DLGAP2: variants seen among roughly 807,000 people sequenced by gnomAD.
The protein encoded by DLGAP2 is DLG associated protein 2.
A neutral mutation model predicts 100.3 loss-of-function variants in DLGAP2; 26 were observed. That is an observed-to-expected ratio of 0.26 (90% CI 0.19 to 0.36). DLGAP2 has a LOEUF of 0.36. Ranked by LOEUF, DLGAP2 falls within the 10% of genes least tolerant of loss-of-function variation. The probability of loss-of-function intolerance (pLI) is 1.00; values close to 1 mark genes in which losing one functional copy is unlikely to be tolerated. For synonymous variants in DLGAP2, 886 were observed against 630.1 expected (o/e 1.41, Z -6.08); for missense variants, 1,858 against 1,453.2 (o/e 1.28, Z -4.53).
chr8:1,289,419 A>T (rs542386026), intron 3 of DLGAP2, among the ~76,000 whole-genome samples: 2 of 152,320 alleles, frequency 1.3e-5, no homozygotes, highest in Admixed American at 6.5e-5. Flanking sequence ...TGGTTGCTAC[A>T]CACATGCCCT....
At chr8:819,896 T>A (rs1352662217) in intron 1 of DLGAP2, among the ~76,000 whole-genome samples, 1 of 152,180 alleles carries the variant, frequency 6.6e-6, no homozygotes, top group Non-Finnish European at 1.5e-5. Context: ...AACCCTTTCC[T>A]GTTTGGATTG....
chr8:1,076,078 A>AT, intron 2 of DLGAP2, among the ~76,000 whole-genome samples: 1 of 152,048 alleles, frequency 6.6e-6, no homozygotes. Flanking sequence ...AGGTAGGAGG[A>AT]TTTTTTCACA....
intron 3 of DLGAP2, among the ~76,000 whole-genome samples, chr8:1,263,879 A>C (rs571799740): frequency 1.3e-5 from 2 of 152,118 alleles, no homozygotes; most frequent in Non-Finnish European, 2.9e-5. Flanking sequence ...TCTGATTGCT[A>C]TTTGTGGTTT....
chr8:1,163,549 G>C lies in DLGAP2; in HGVS notation c.74-95302G>C, dbSNP rs184533363. ...TAGGATTTGGGATTCATTAGCGAGTGTGAGCAAGGTGCTTTTGGGGCAGAG... is the reference window on the plus strand; with the variant it reads ...TAGGATTTGGGATTCATTAGCGAGTCTGAGCAAGGTGCTTTTGGGGCAGAG... On this transcript the variant is annotated intron_variant, in intron 2 of 14. Transcript: ENST00000637795. Among the ~76,000 whole-genome samples the C allele has an allele frequency of 1.1e-4, 16 of 152,364 alleles. 1 individual carries two copies. The highest frequency in any genetic ancestry group is 3.6e-4 in the African/African-American group (15 of 41,602).
intron 4 of DLGAP2, among the ~76,000 whole-genome samples, chr8:1,546,793 G>C (rs984660467): frequency 1.3e-5 from 2 of 152,152 alleles, no homozygotes; most frequent in African/African-American, 4.8e-5. Context: ...TAGGGTGGTG[G>C]CGAGAGAGGA....
intron 1 of DLGAP2, among the ~76,000 whole-genome samples, chr8:784,913 A>T (rs575125849): frequency 6.6e-6 from 1 of 152,308 alleles, no homozygotes; most frequent in Non-Finnish European, 1.5e-5. Context: ...CCACTAAAAA[A>T]AGGGCACGTC....
chr8:1,251,854 G>A (rs527774671), intron 2 of DLGAP2, among the ~76,000 whole-genome samples: 9 of 152,308 alleles, frequency 5.9e-5, no homozygotes, highest in East Asian at 1.9e-4. Context: ...GCATATTCTC[G>A]CATCATGTTG....
chr8:1,499,876 T>C (rs1214281037), intron 3 of DLGAP2, among the ~76,000 whole-genome samples: 1 of 152,000 alleles, frequency 6.6e-6, no homozygotes, highest in Admixed American at 6.6e-5. Context: ...CAGATGCCGA[T>C]TTGTTGAATC....
chr8:1,033,402 C>CA (rs1045040023), intron 2 of DLGAP2, among the ~76,000 whole-genome samples: 1 of 152,130 alleles, frequency 6.6e-6, no homozygotes, highest in African/African-American at 2.4e-5. Context: ...GGTGGTGGCT[C>CA]ACACCTGTAA....
chr8:1,681,861 C>T (rs1055098128), intron 12 of DLGAP2, among the ~76,000 whole-genome samples: 13 of 150,028 alleles, frequency 8.7e-5, no homozygotes, highest in East Asian at 3.9e-4. Flanking sequence ...CTGGGAGTCA[C>T]GGCCCTCTGA....
intron 8 of DLGAP2, among the ~76,000 whole-genome samples, chr8:1,649,914 C>T (rs556476348): frequency 1.5e-4 from 23 of 152,138 alleles, no homozygotes; most frequent in African/African-American, 4.8e-4. Context: ...CAAATGTTAC[C>T]ATGAGTACAA....
At chr8:1,700,123 C>G (rs11136420) in intron 14 of DLGAP2, among the ~76,000 whole-genome samples, 22,820 of 152,232 alleles carry the variant, frequency 0.15, 2,038 homozygotes, top group Admixed American at 0.22. Context: ...GACACCAAAG[C>G]AGGCTTCTTG....
intron 2 of DLGAP2, among the ~76,000 whole-genome samples, chr8:972,757 G>A (rs531228281): frequency 1.8e-4 from 28 of 152,308 alleles, no homozygotes; most frequent in African/African-American, 6.5e-4. Flanking sequence ...CTAGGCAGAG[G>A]ACCCTGCGGC....
intron 4 of DLGAP2, among the ~76,000 whole-genome samples, chr8:1,540,979 C>G (rs968680984): frequency 1.3e-5 from 2 of 152,120 alleles, no homozygotes; most frequent in Non-Finnish European, 1.5e-5. Flanking sequence ...AGAATTCGGC[C>G]CAGGGATCCA....
rs745625778 is a variant in DLGAP2 at position 1,566,669 on chromosome 8, C to T, written c.1442+775C>T. Among the ~76,000 whole-genome samples the T allele has an allele frequency of 6.5e-4, 99 of 152,330 alleles. 1 individual carries two copies. In the Middle Eastern group the frequency reaches 0.01, roughly 16 times the overall value. On this transcript the variant is annotated intron_variant, in intron 6 of 14. Coordinates refer to ENST00000637795, the MANE Select transcript of DLGAP2 (RefSeq NM_001346810.2). ...GCCACATAAGAGTTATTAATTATGA[C>T]CCACACATCAGACAGGGAGCCCTGG...
chr8:1,688,563 G>A (rs1403971289), intron 12 of DLGAP2: 3 of 152,106 alleles, frequency 2.0e-5, no homozygotes, highest in African/African-American at 7.2e-5. Context: ...GAGAACACAG[G>A]ACAACACTTA....
intron 6 of DLGAP2, among the ~76,000 whole-genome samples, chr8:1,575,100 A>G: frequency 6.6e-6 from 1 of 152,212 alleles, no homozygotes; most frequent in South Asian, 2.1e-4. Context: ...AAAAATCATC[A>G]CAGACGACAG....
chr8:920,351 GC>G (rs1798682619), intron 2 of DLGAP2, among the ~76,000 whole-genome samples: 1 of 152,226 alleles, frequency 6.6e-6, no homozygotes, highest in African/African-American at 2.4e-5. Context: ...TCAGGGAATA[GC>G]CCCCAAATCC....
chr8:914,054 A>G (rs1025970455), intron 2 of DLGAP2, among the ~76,000 whole-genome samples: 1 of 152,376 alleles, frequency 6.6e-6, no homozygotes, highest in Admixed American at 6.5e-5. Flanking sequence ...ATGAGGTCTC[A>G]TTTCTTTGAA....
Sources: allele counts gnomAD v4.1 joint callset (sites outside exome capture counted in the v4.1 genomes callset), GRCh38; gene constraint gnomAD v4.1.1; transcripts MANE v1.5; gene names NCBI Gene and HGNC (gene_info 2026-07-23, HGNC 2026-07-21).